Variants in KCNIP4 observed in about 807,000 individuals in gnomAD.
The protein encoded by KCNIP4 is potassium voltage-gated channel interacting protein 4, also known as Kv channel-interacting protein 4.
KCNIP4 carries 12 observed loss-of-function variants against 34.0 expected under a neutral mutation model. The observed-to-expected ratio is 0.35, with a 90% CI of 0.23 to 0.57. The LOEUF (loss-of-function observed/expected upper bound fraction) is 0.57. KCNIP4 is among the 20% of genes least tolerant of loss of function. KCNIP4 has a pLI of 0.83. For missense variants in KCNIP4, 238 were observed against 311.7 expected (o/e 0.76, Z 1.78); for synonymous variants, 124 against 102.2 (o/e 1.21, Z -1.29).
At chr4:21,779,377 A>G (rs1484202307) in intron 1 of KCNIP4, among the ~76,000 whole-genome samples, 1 of 152,140 alleles carries the variant, frequency 6.6e-6, no homozygotes, top group Non-Finnish European at 1.5e-5. Context: ...ATAATAGCAT[A>G]GTGATTGTAA....
At chr4:21,831,663 C>CAAA (rs141374886) in intron 1 of KCNIP4, among the ~76,000 whole-genome samples, 879 of 73,022 alleles carry the variant, frequency 0.012, 89 homozygotes, top group East Asian at 0.05. Flanking sequence ...CATTTTTCAT[C>CAAA]AAAAAAAAAA....
At chr4:21,032,068 C>A (rs1741072332) in intron 1 of KCNIP4, among the ~76,000 whole-genome samples, 1 of 152,144 alleles carries the variant, frequency 6.6e-6, no homozygotes, top group African/African-American at 2.4e-5. Flanking sequence ...GGCCTCACAC[C>A]AAGACATGGC....
chr4:21,289,699 A>G (rs907696668), intron 1 of KCNIP4, among the ~76,000 whole-genome samples: 1 of 152,158 alleles, frequency 6.6e-6, no homozygotes, highest in Non-Finnish European at 1.5e-5. Flanking sequence ...TGAAACCTCT[A>G]TCACTCCTTT....
Position 20,908,169 on chromosome 4 carries a change from G to A in KCNIP4, c.62-25460C>T, listed in dbSNP as rs138518804. On this transcript the variant is annotated intron_variant, in intron 1 of 8. Coordinates refer to ENST00000382152, the MANE Select transcript of KCNIP4 (RefSeq NM_025221.6). ...GGCTAGAGTGCAATGGCGCCATCTCGGCTCACTGCAACTTCCGCCTGCTGG... is the reference window on the plus strand; with the variant it reads ...GGCTAGAGTGCAATGGCGCCATCTCAGCTCACTGCAACTTCCGCCTGCTGG... Among the ~76,000 whole-genome samples the A allele has an allele frequency of 4.7e-3, 700 of 148,802 alleles. 5 individuals carry two copies. Among genetic ancestry groups the A allele is most frequent in the Middle Eastern group, 7.0e-3 (2 of 286 alleles).
intron 1 of KCNIP4, among the ~76,000 whole-genome samples, chr4:21,397,560 A>G (rs140378218): frequency 1.3e-5 from 2 of 152,200 alleles, no homozygotes; most frequent in Non-Finnish European, 2.9e-5. Context: ...TTTAAAAAGC[A>G]TACCAAATCA....
chr4:21,146,819 C>G (rs952488761), intron 1 of KCNIP4, among the ~76,000 whole-genome samples: 1 of 152,114 alleles, frequency 6.6e-6, no homozygotes, highest in Admixed American at 6.5e-5. Flanking sequence ...CAATACTAAG[C>G]ATAATTGAAG....
intron 1 of KCNIP4, among the ~76,000 whole-genome samples, chr4:20,919,944 G>A (rs1419028707): frequency 1.3e-5 from 2 of 151,972 alleles, no homozygotes; most frequent in African/African-American, 4.8e-5. Context: ...CTCTTTCTGG[G>A]TCTTGCTTTG....
At chr4:20,981,882 G>C (rs960468084) in intron 1 of KCNIP4, among the ~76,000 whole-genome samples, 3 of 151,988 alleles carry the variant, frequency 2.0e-5, no homozygotes, top group Admixed American at 6.6e-5. Context: ...TAGAAATATA[G>C]ATTCAGATAT....
At chr4:21,260,224 A>G (rs1221637437) in intron 1 of KCNIP4, among the ~76,000 whole-genome samples, 3 of 152,166 alleles carry the variant, frequency 2.0e-5, no homozygotes, top group Non-Finnish European at 4.4e-5. Context: ...TAAAAGGTCA[A>G]TTTGAAACAT....
chr4:21,483,498 A>T (rs771321539), intron 1 of KCNIP4, among the ~76,000 whole-genome samples: 1 of 152,150 alleles, frequency 6.6e-6, no homozygotes, highest in Non-Finnish European at 1.5e-5. Context: ...TGGTTGTTTA[A>T]AAGTGTGTGG....
intron 1 of KCNIP4, among the ~76,000 whole-genome samples, chr4:20,997,315 T>C (rs1737648328): frequency 6.6e-6 from 1 of 152,134 alleles, no homozygotes; most frequent in Non-Finnish European, 1.5e-5. Context: ...AGAAAGGGAC[T>C]GGACACAGAA....
chr4:21,688,286 G>T (rs1490949183), intron 1 of KCNIP4, among the ~76,000 whole-genome samples: 1 of 152,152 alleles, frequency 6.6e-6, no homozygotes, highest in Non-Finnish European at 1.5e-5. Flanking sequence ...AAAATGCTCA[G>T]TGGAGCACTT....
chr4:21,152,699 G>T (rs1752846027), intron 1 of KCNIP4, among the ~76,000 whole-genome samples: 1 of 139,850 alleles, frequency 7.2e-6, no homozygotes, highest in Non-Finnish European at 1.6e-5. Flanking sequence ...TGGCCTGTTA[G>T]GAACTGGGCT....
intron 1 of KCNIP4, among the ~76,000 whole-genome samples, chr4:21,281,258 T>C (rs1025730446): frequency 5.3e-5 from 8 of 152,026 alleles, no homozygotes; most frequent in African/African-American, 1.9e-4. Context: ...AGCTAATTTT[T>C]GTATTTTTTA....
chr4:21,434,231 G>T (rs187488926), intron 1 of KCNIP4, among the ~76,000 whole-genome samples: 1 of 152,182 alleles, frequency 6.6e-6, no homozygotes, highest in Non-Finnish European at 1.5e-5. Flanking sequence ...GATAAGATTT[G>T]TCCATTACAT....
intron 1 of KCNIP4, among the ~76,000 whole-genome samples, chr4:21,408,459 G>A (rs1035930276): frequency 1.3e-5 from 2 of 152,282 alleles, no homozygotes; most frequent in African/African-American, 4.8e-5. Flanking sequence ...AGGATTTTGA[G>A]AGAGAGTTTC....
At chr4:21,888,426 T>A (rs370671256) in intron 1 of KCNIP4, among the ~76,000 whole-genome samples, 1 of 152,036 alleles carries the variant, frequency 6.6e-6, no homozygotes, top group South Asian at 2.1e-4. Flanking sequence ...ACGATTCAGA[T>A]GCAATAAAAA....
At chr4:21,809,353 C>T (rs11942741) in intron 1 of KCNIP4, among the ~76,000 whole-genome samples, 2,287 of 152,254 alleles carry the variant, frequency 0.015, 51 homozygotes, top group African/African-American at 0.052. Context: ...GCCGCTAACC[C>T]CTACCTCGGT....
intron 1 of KCNIP4, among the ~76,000 whole-genome samples, chr4:21,820,285 G>GTATATA (rs869204752): frequency 1.7e-3 from 34 of 20,590 alleles, no homozygotes; most frequent in African/African-American, 2.7e-3. Context: ...GTGTGTGTGT[G>GTATATA]TATATATATA....
Sources: gnomAD v4.1 joint callset for allele counts (sites outside exome capture counted in the v4.1 genomes callset) on GRCh38, gnomAD v4.1.1 for gene constraint, MANE v1.5 for transcripts, NCBI Gene and HGNC (gene_info 2026-07-23, HGNC 2026-07-21) for gene names.